Variants in ANO6 observed in about 807,000 individuals in gnomAD.
The protein encoded by ANO6 is anoctamin-6.
In ANO6, 106 loss-of-function variants were observed where a neutral mutation model predicts 117.5. The observed-to-expected ratio is 0.90, with a 90% CI of 0.77 to 1.06. The LOEUF is 1.06. Among genes scored for constraint, ANO6 ranks in the 50% least tolerant of loss-of-function variants. The probability of loss-of-function intolerance (pLI) is 0.00; values close to 1 mark genes in which losing one functional copy is unlikely to be tolerated. For missense variants in ANO6, 955 were observed against 1,121.1 expected, an observed-to-expected ratio of 0.85 and a Z score of 2.12; for synonymous variants, 367 against 385.1, an observed-to-expected ratio of 0.95 and a Z score of 0.55.
intron 9 of ANO6, among the ~76,000 whole-genome samples, chr12:45,371,365 C>T (rs1386472658): frequency 6.6e-6 from 1 of 152,202 alleles, no homozygotes; most frequent in Non-Finnish European, 1.5e-5. Flanking sequence ...CACCACAGCT[C>T]AAGGAGGCCT....
In ANO6 at chr12:45,238,489, C is replaced by A. The variant is rs552289755; in HGVS notation, c.70+22098C>A. Among the ~76,000 whole-genome samples, 13 of 152,212 alleles carry A rather than the reference C, an allele frequency of 8.5e-5. No homozygotes were observed. The South Asian group carries it at 2.7e-3, about 32-fold the overall frequency. On this transcript the variant is annotated intron_variant, in intron 1 of 19. Coordinates refer to ENST00000320560, the MANE Select transcript of ANO6 (RefSeq NM_001025356.3). Reference sequence around the variant, plus strand: ...TCTAAATATACAATCATGTCATCTACAAACAGGGACAGTCTGACTTTCTCA... The same window carrying A: ...TCTAAATATACAATCATGTCATCTAAAAACAGGGACAGTCTGACTTTCTCA...
rs182984286 is a variant in ANO6, at chr12:45,354,869, G to A, written c.864-2421G>A. On this transcript the variant is annotated intron_variant, in intron 7 of 19. Coordinates refer to ENST00000320560, the MANE Select transcript of ANO6 (RefSeq NM_001025356.3). ...CAAAAACTATAATGTAACTATGTCA[G>A]GATGGCAGGAATAGAGATGTGGATG... Among the ~76,000 whole-genome samples the A allele has an allele frequency of 5.7e-4, 87 of 152,296 alleles. 2 individuals are homozygous for A. The East Asian group carries it at 0.014, about 24-fold the overall frequency.
chr12:45,254,092 G>A (rs915201863), intron 1 of ANO6, among the ~76,000 whole-genome samples: 1 of 152,180 alleles, frequency 6.6e-6, no homozygotes, highest in Non-Finnish European at 1.5e-5. Context: ...GCTTGAACCC[G>A]GGAGGCGGAG....
intron 15 of ANO6, among the ~76,000 whole-genome samples, chr12:45,407,665 T>G (rs1005325937): frequency 6.6e-6 from 1 of 152,118 alleles, no homozygotes; most frequent in Non-Finnish European, 1.5e-5. Context: ...CTACGTAATA[T>G]AGGCCATATT....
chr12:45,301,585 C>T (rs185377183), intron 1 of ANO6, among the ~76,000 whole-genome samples: 1 of 150,708 alleles, frequency 6.6e-6, no homozygotes, highest in Admixed American at 6.6e-5. Context: ...CCACTGCACT[C>T]CAGCCTGGGT....
At chr12:45,379,344 C>G (rs1005778429) in intron 10 of ANO6, among the ~76,000 whole-genome samples, 1 of 152,194 alleles carries the variant, frequency 6.6e-6, no homozygotes, top group Non-Finnish European at 1.5e-5. Flanking sequence ...TGTTGCCGCT[C>G]CACAGATAAA....
chr12:45,233,471 A>C (rs1298975118), intron 1 of ANO6, among the ~76,000 whole-genome samples: 1 of 152,168 alleles, frequency 6.6e-6, no homozygotes. Flanking sequence ...CAGGTAATAT[A>C]TCTGTATTAT....
At chr12:45,252,161 A>G (rs1937643661) in intron 1 of ANO6, among the ~76,000 whole-genome samples, 1 of 152,244 alleles carries the variant, frequency 6.6e-6, no homozygotes, top group African/African-American at 2.4e-5. Flanking sequence ...GTTATTTGAC[A>G]TAAAGAAGCT....
chr12:45,255,775 A>G (rs1010458946), intron 1 of ANO6, among the ~76,000 whole-genome samples: 15 of 150,006 alleles, frequency 1.0e-4, no homozygotes, highest in African/African-American at 3.7e-4. Flanking sequence ...TGGATGGATC[A>G]TACATCTCCA....
intron 6 of ANO6, among the ~76,000 whole-genome samples, chr12:45,349,738 A>T (rs924005163): frequency 8.5e-5 from 13 of 152,292 alleles, no homozygotes; most frequent in African/African-American, 3.1e-4. Flanking sequence ...GGTGAGGTAA[A>T]TACTGATCCT....
chr12:45,370,489 G>A (rs866490417), intron 9 of ANO6, among the ~76,000 whole-genome samples: 1 of 152,302 alleles, frequency 6.6e-6, no homozygotes, highest in East Asian at 1.9e-4. Context: ...ATTCACAGGT[G>A]GGGTCTTCTT....
At chr12:45,289,309 G>A (rs1170700220) in intron 1 of ANO6, among the ~76,000 whole-genome samples, 1 of 151,700 alleles carries the variant, frequency 6.6e-6, no homozygotes, top group East Asian at 1.9e-4. Flanking sequence ...TCGGATTACA[G>A]GTGCCTGCCA....
At chr12:45,244,504 G>A (rs1169569034) in intron 1 of ANO6, among the ~76,000 whole-genome samples, 8 of 151,726 alleles carry the variant, frequency 5.3e-5, no homozygotes, top group African/African-American at 1.2e-4. Flanking sequence ...TTATGTACTC[G>A]CAGGTCTCTG....
At chr12:45,398,899 T>G (rs1451417403) in intron 12 of ANO6, among the ~76,000 whole-genome samples, 1 of 152,218 alleles carries the variant, frequency 6.6e-6, no homozygotes, top group African/African-American at 2.4e-5. Context: ...TGAGTTATGC[T>G]TGGCAGAAAA....
intron 1 of ANO6, among the ~76,000 whole-genome samples, chr12:45,280,569 G>A (rs1207002610): frequency 6.6e-6 from 1 of 152,130 alleles, no homozygotes; most frequent in Non-Finnish European, 1.5e-5. Flanking sequence ...CTTGGGACAG[G>A]AAGCCAAAAA....
At chr12:45,216,467 C>T (rs1468394799) in intron 1 of ANO6, 76 bp downstream of exon 1, 1 of 1,510,226 alleles carries the variant, frequency 6.6e-7, no homozygotes, top group Non-Finnish European at 9.0e-7. Context: ...TGCGCGGGGG[C>T]GCTGTGCTCT....
At chr12:45,320,203 G>T (rs968335611) in intron 2 of ANO6, among the ~76,000 whole-genome samples, 62 of 152,118 alleles carry the variant, frequency 4.1e-4, no homozygotes, top group Middle Eastern at 3.4e-3. Flanking sequence ...TCTTTTAATT[G>T]TGATGTTAGG....
intron 2 of ANO6, chr12:45,313,071 T>G (rs1173708084): frequency 6.6e-6 from 1 of 152,116 alleles, no homozygotes; most frequent in Admixed American, 6.6e-5. Flanking sequence ...CTACCTTAAG[T>G]GTTTTTAAAA....
At chr12:45,368,024 T>C (rs1941730474) in intron 9 of ANO6, among the ~76,000 whole-genome samples, 1 of 152,184 alleles carries the variant, frequency 6.6e-6, no homozygotes, top group Non-Finnish European at 1.5e-5. Flanking sequence ...AGTGAGATAA[T>C]AGTGGAATCT....
Sources: allele counts gnomAD v4.1 joint callset (sites outside exome capture counted in the v4.1 genomes callset), GRCh38; gene constraint gnomAD v4.1.1; transcripts MANE v1.5; gene names NCBI Gene and HGNC (gene_info 2026-07-23, HGNC 2026-07-21).